The following USP34 variants were observed in gnomAD, a reference collection of about 807,000 sequenced individuals.
The protein encoded by USP34 is ubiquitin specific peptidase 34.
Under a neutral mutation model 460.3 loss-of-function variants are expected in USP34, and 70 were observed. That is an observed-to-expected ratio of 0.15 (90% confidence interval 0.13 to 0.19). USP34 has a LOEUF of 0.19. USP34 is among the 10% of genes least tolerant of loss of function. The pLI is 1.00. For synonymous variants in USP34, 1,647 were observed against 1,405.3 expected (o/e 1.17, Z -3.85); for missense variants, 3,985 against 4,236.2 (o/e 0.94, Z 1.65).
chr2:61,303,089 C>T (rs142340336), intron 27 of USP34, among the ~76,000 whole-genome samples: 4,424 of 151,286 alleles, frequency 0.029, 222 homozygotes, highest in African/African-American at 0.1. Flanking sequence ...TTTTTTGAGA[C>T]GGAGTGTCAC....
chr2:61,429,186 G>A (rs927529879), intron 1 of USP34, among the ~76,000 whole-genome samples: 4 of 152,164 alleles, frequency 2.6e-5, no homozygotes, highest in Non-Finnish European at 5.9e-5. Context: ...AGTGGCTCAC[G>A]CCTGTAATCC....
chr2:61,458,185 A>G (rs1249462679), intron 1 of USP34, among the ~76,000 whole-genome samples: 1 of 152,192 alleles, frequency 6.6e-6, no homozygotes, highest in African/African-American at 2.4e-5. Context: ...TATGAATAAA[A>G]AGAACCAGAG....
chr2:61,246,845 A>G (rs1389340549), intron 49 of USP34, among the ~76,000 whole-genome samples: 2 of 152,148 alleles, frequency 1.3e-5, no homozygotes, highest in African/African-American at 4.8e-5. Flanking sequence ...TAATCTGACT[A>G]ATCTTTTGAA....
chr2:61,409,049 G>GT (rs1321708028), intron 2 of USP34, among the ~76,000 whole-genome samples: 3 of 150,950 alleles, frequency 2.0e-5, no homozygotes, highest in African/African-American at 7.3e-5. Flanking sequence ...GCAAAACCTC[G>GT]TCTCTATTAA....
chr2:61,210,852 A>G (rs775455462), intron 69 of USP34, among the ~76,000 whole-genome samples: 23 of 152,136 alleles, frequency 1.5e-4, no homozygotes, highest in Non-Finnish European at 3.1e-4. Context: ...CTGGGACTAC[A>G]GGTGCATGCC....
At chr2:61,454,486 T>C (rs1313794796) in intron 1 of USP34, among the ~76,000 whole-genome samples, 4 of 151,680 alleles carry the variant, frequency 2.6e-5, no homozygotes, top group African/African-American at 7.3e-5. Flanking sequence ...ACTGGATCCA[T>C]GGAGTTATAG....
intron 20 of USP34, 98 bp from the exon 21 acceptor site, chr2:61,325,555 T>A (rs1041117197): frequency 6.2e-5 from 40 of 645,274 alleles, no homozygotes; most frequent in Non-Finnish European, 8.7e-5. Context: ...AAAAATTGTT[T>A]TAATAATTCA....
At chr2:61,284,000 T>A (rs1401856667) in intron 35 of USP34, among the ~76,000 whole-genome samples, 1 of 152,144 alleles carries the variant, frequency 6.6e-6, no homozygotes, top group African/African-American at 2.4e-5. Context: ...CAGGAAGTTT[T>A]GAAATCTATT....
At chr2:61,431,840 G>A (rs1381813939) in intron 1 of USP34, among the ~76,000 whole-genome samples, 3 of 151,628 alleles carry the variant, frequency 2.0e-5, no homozygotes, top group Non-Finnish European at 4.4e-5. Context: ...GGCAACAAGA[G>A]CAAGACTCCA....
chr2:61,401,540 ATTTTTTTTTT>A (rs1156550372), intron 3 of USP34, among the ~76,000 whole-genome samples: 26 of 62,438 alleles, frequency 4.2e-4, no homozygotes, highest in African/African-American at 1.5e-3. Context: ...ACCTGGCCCT[ATTTTTTTTTT>A]TTTTTTTTTT....
intron 10 of USP34, among the ~76,000 whole-genome samples, chr2:61,364,031 CA>C (rs1692353374): frequency 1.3e-5 from 2 of 152,026 alleles, no homozygotes; most frequent in African/African-American, 4.8e-5. Flanking sequence ...ATTATGATTC[CA>C]CTTATAGAAG....
At chr2:61,338,236 G>A (rs1340331264) in intron 18 of USP34, among the ~76,000 whole-genome samples, 6 of 152,136 alleles carry the variant, frequency 3.9e-5, no homozygotes, top group Admixed American at 6.5e-5. Context: ...TGGGAGAATC[G>A]CTTGAATGCG....
At chr2:61,268,640 T>TTCAGA (rs1441699971) in intron 41 of USP34, among the ~76,000 whole-genome samples, 3 of 151,930 alleles carry the variant, frequency 2.0e-5, no homozygotes, top group African/African-American at 7.3e-5. Context: ...CAATAGATAA[T>TTCAGA]AGGGTAATTT....
intron 49 of USP34, 76 bp from the exon 50 acceptor site, chr2:61,246,553 A>C: frequency 1.0e-6 from 1 of 990,436 alleles, no homozygotes; most frequent in Non-Finnish European, 1.3e-6. Flanking sequence ...TTTAAAATAA[A>C]CTTTATCAAT....
At chr2:61,470,228 G>A (rs938341992) in intron 1 of USP34, among the ~76,000 whole-genome samples, 1 of 152,194 alleles carries the variant, frequency 6.6e-6, no homozygotes, top group Non-Finnish European at 1.5e-5. Context: ...GGCCTCGGCA[G>A]CACGCTGGAA....
rs746837716 is a variant in USP34, at chr2:61,188,405, A to G, written c.10338T>C (p.Asp3446=). The part of the protein sequence containing the change: ...EEQSNNGRYD[D]CKEFKDLHCS... ...AGTGGAGGTCTTTAAATTCTTTACA[A>G]TCGTCATATCTACCATTGTTGGACT... Residue 3446 remains aspartate, a synonymous_variant, in exon 80 of 80, where the codon GAT becomes GAC. Transcript: ENST00000398571. The G allele has an allele frequency of 1.2e-5, 20 of 1,614,034 alleles. No individual in the cohort carries two copies. In the South Asian group the frequency reaches 1.3e-4, roughly 11 times the overall value.
intron 62 of USP34, among the ~76,000 whole-genome samples, chr2:61,224,376 A>G (rs1414970250): frequency 6.6e-6 from 1 of 152,214 alleles, no homozygotes; most frequent in East Asian, 1.9e-4. Context: ...AGTCAGATCC[A>G]GACTTGATGA....
chr2:61,220,548 C>T (rs1572845874), intron 66 of USP34, 91 bp from the exon 67 acceptor site: 2 of 1,200,844 alleles, frequency 1.7e-6, no homozygotes, highest in East Asian at 2.8e-5. Flanking sequence ...AGACACAAAG[C>T]TAAAGTACTT....
Position 61,347,912 on chromosome 2 carries a change from T to C in USP34, c.2243A>G (p.Gln748Arg), listed in dbSNP as rs1177157185. The change falls in exon 15 of 80, where the codon CAG becomes CGG. Residue 748 changes from glutamine (Q) to arginine (R), a missense_variant. Physicochemically the swap from Gln to Arg is conservative, Grantham distance 43. Coordinates refer to ENST00000398571, the MANE Select transcript of USP34 (RefSeq NM_014709.4). Reference sequence around the variant, plus strand: ...ATGGTGGTGGTGGTGGTGGTGATGCTGTGGACCAATAAATTGTCGACAATT... The same window carrying C: ...ATGGTGGTGGTGGTGGTGGTGATGCCGTGGACCAATAAATTGTCGACAATT... ...LFNCRQFIGP[Q>R]HHHHHHHHHH... The C allele has an allele frequency of 8.7e-6, 14 of 1,613,958 alleles. No individual in the cohort carries two copies. The highest frequency in any genetic ancestry group is 1.2e-5 in the Non-Finnish European group (14 of 1,180,010).
Sources: allele counts gnomAD v4.1 joint callset (sites outside exome capture counted in the v4.1 genomes callset), GRCh38; gene constraint gnomAD v4.1.1; transcripts MANE v1.5; gene names NCBI Gene and HGNC (gene_info 2026-07-23, HGNC 2026-07-21).